The following MELK variants were observed in gnomAD, a reference collection of about 807,000 sequenced individuals.
MELK encodes pEg3 kinase.
MELK carries 81 observed loss-of-function variants against 85.0 expected under a neutral mutation model. The observed-to-expected ratio is 0.95, with a 90% CI of 0.80 to 1.15. MELK has a LOEUF of 1.15. Ranked by LOEUF, MELK falls within the 50% of genes most tolerant of loss-of-function variation. MELK has a pLI of 0.00. For synonymous variants in MELK, 252 were observed against 265.0 expected (o/e 0.95, Z 0.48); for missense variants, 754 against 777.5 (o/e 0.97, Z 0.36).
intron 8 of MELK, among the ~76,000 whole-genome samples, chr9:36,614,972 G>A (rs1324027297): frequency 2.0e-5 from 3 of 147,838 alleles, no homozygotes; most frequent in Non-Finnish European, 4.5e-5. Flanking sequence ...CAGACGGGGT[G>A]GTGGCCGGGC....
At chr9:36,648,148 G>A (rs759308519) in intron 11 of MELK, among the ~76,000 whole-genome samples, 3 of 152,140 alleles carry the variant, frequency 2.0e-5, no homozygotes, top group East Asian at 1.9e-4. Flanking sequence ...CTAAGTTTAC[G>A]TCGAACACTT....
chr9:36,650,034 C>T (rs1007660759), intron 11 of MELK, among the ~76,000 whole-genome samples: 1 of 151,974 alleles, frequency 6.6e-6, no homozygotes, highest in Non-Finnish European at 1.5e-5. Flanking sequence ...AGCTCTGTCT[C>T]CCAGATTCAC....
chr9:36,586,575 C>T (rs888463199), intron 3 of MELK, among the ~76,000 whole-genome samples: 1 of 152,004 alleles, frequency 6.6e-6, no homozygotes, highest in Non-Finnish European at 1.5e-5. Context: ...AACCATTTTT[C>T]TTGAGCATTT....
chr9:36,673,695 T>C (rs1833092645), intron 16 of MELK, among the ~76,000 whole-genome samples: 2 of 152,194 alleles, frequency 1.3e-5, no homozygotes, highest in South Asian at 2.1e-4. Flanking sequence ...AGTGCTGGGA[T>C]TACAGTCATG....
chr9:36,605,195 C>T (rs1825369270), intron 7 of MELK, among the ~76,000 whole-genome samples: 1 of 151,916 alleles, frequency 6.6e-6, no homozygotes, highest in East Asian at 1.9e-4. Flanking sequence ...TTCACTCTTT[C>T]CTGTGCAACC....
chr9:36,575,496 C>T (rs117944047), intron 1 of MELK, among the ~76,000 whole-genome samples: 2,319 of 152,110 alleles, frequency 0.015, 35 homozygotes, highest in Non-Finnish European at 0.025. Context: ...GCAGCAACAA[C>T]GATATTCCCT....
At chr9:36,605,104 C>A (rs1825358653) in intron 7 of MELK, among the ~76,000 whole-genome samples, 2 of 152,050 alleles carry the variant, frequency 1.3e-5, no homozygotes, top group South Asian at 4.2e-4. Context: ...GTTGGCCCTG[C>A]TGGTCTTGAA....
intron 15 of MELK, among the ~76,000 whole-genome samples, chr9:36,670,764 A>G (rs1439695914): frequency 6.6e-6 from 1 of 151,088 alleles, no homozygotes. Flanking sequence ...ATCCTTTTTT[A>G]AAAAGGAAGG....
intron 12 of MELK, among the ~76,000 whole-genome samples, chr9:36,652,223 C>A (rs913647334): frequency 6.7e-6 from 1 of 150,174 alleles, no homozygotes; most frequent in African/African-American, 2.4e-5. Context: ...ATTTTTGTAT[C>A]TTTAGTAGAG....
chr9:36,671,066 A>G lies in MELK; in HGVS notation c.1574A>G (p.Lys525Arg), dbSNP rs1832841535. Residue 525 changes from lysine to arginine, a missense_variant, in exon 16 of 18, where the codon AAA (lysine) becomes AGA (arginine). Transcript: ENST00000298048. ...MEETPKRKGA[K>R]VFGSLERGLD... ...GAGACTCCAAAAAGAAAGGGAGCCA[A>G]AGTGTTTGGGAGCCTTGAAAGGGGG... The G allele has an allele frequency of 6.2e-7, 1 of 1,613,442 alleles. No individual in the cohort carries two copies. Among genetic ancestry groups the G allele is most frequent in the African/African-American group, 1.3e-5 (1 of 75,034 alleles).
chr9:36,661,975 A>G (rs1350395224), intron 13 of MELK, among the ~76,000 whole-genome samples: 2 of 151,436 alleles, frequency 1.3e-5, no homozygotes, highest in African/African-American at 4.8e-5. Context: ...ACAAAGAAAA[A>G]AACATAGCTA....
At chr9:36,619,309 G>A (rs559853129) in intron 8 of MELK, among the ~76,000 whole-genome samples, 1 of 152,130 alleles carries the variant, frequency 6.6e-6, no homozygotes, top group Non-Finnish European at 1.5e-5. Flanking sequence ...ATACCTCTCA[G>A]CCAGGTTATT....
chr9:36,676,205 A>C (rs1335364241), intron 17 of MELK, among the ~76,000 whole-genome samples: 1 of 152,232 alleles, frequency 6.6e-6, no homozygotes, highest in Non-Finnish European at 1.5e-5. Flanking sequence ...CCCAAAACAC[A>C]TGACTAAGTT....
chr9:36,664,262 T>C (rs762001509), intron 13 of MELK, among the ~76,000 whole-genome samples: 16 of 152,220 alleles, frequency 1.1e-4, no homozygotes, highest in Non-Finnish European at 1.9e-4. Flanking sequence ...CTTATTTATG[T>C]TCTGTATTTG....
Position 36,616,387 on chromosome 9 carries a change from C to CTTTTTTTT in MELK, c.666+8727_666+8734dup, listed in dbSNP as rs60212848. Among the ~76,000 whole-genome samples the CTTTTTTTT allele has an allele frequency of 6.7e-3, 764 of 114,530 alleles. 15 individuals are homozygous for CTTTTTTTT. Among genetic ancestry groups the CTTTTTTTT allele is most frequent in the African/African-American group, 0.02 (606 of 30,092 alleles). 75.1% of individuals were successfully genotyped at this position (114,530 alleles called of 152,430 possible). Reference sequence around the variant, plus strand: ...TTAAAGGTATCTAGCATGTCAAACTCTTTTTTTTTTTTTTTTTTTTAAGGC... The same window carrying CTTTTTTTT: ...TTAAAGGTATCTAGCATGTCAAACTCTTTTTTTTTTTTTTTTTTTTTTTTTTTTAAGGC... On this transcript the variant is annotated intron_variant, in intron 8 of 17. Coordinates refer to ENST00000298048, the MANE Select transcript of MELK (RefSeq NM_014791.4).
intron 1 of MELK, among the ~76,000 whole-genome samples, chr9:36,577,193 C>T (rs73436953): frequency 0.033 from 4,962 of 152,168 alleles, 265 homozygotes; most frequent in African/African-American, 0.11. Context: ...TTACGTGGCA[C>T]CTGCCACTCA....
At chr9:36,591,159 A>G (rs914397894) in intron 4 of MELK, among the ~76,000 whole-genome samples, 4 of 152,200 alleles carry the variant, frequency 2.6e-5, no homozygotes, top group African/African-American at 4.8e-5. Flanking sequence ...ATAGTAGTAC[A>G]TTGTATTACT....
chr9:36,588,035 G>A (rs1363084789), intron 3 of MELK, among the ~76,000 whole-genome samples: 1 of 151,530 alleles, frequency 6.6e-6, no homozygotes, highest in African/African-American at 2.4e-5. Context: ...CAAAAGTGCT[G>A]CAATTACAGG....
chr9:36,592,509 A>G (rs1488456271), intron 4 of MELK, among the ~76,000 whole-genome samples: 9 of 151,916 alleles, frequency 5.9e-5, no homozygotes, highest in Admixed American at 5.9e-4. Flanking sequence ...CCATTCATGT[A>G]CTTTTCTTGT....
Sources: gnomAD v4.1 joint callset for allele counts (sites outside exome capture counted in the v4.1 genomes callset) on GRCh38, gnomAD v4.1.1 for gene constraint, MANE v1.5 for transcripts, NCBI Gene and HGNC (gene_info 2026-07-23, HGNC 2026-07-21) for gene names.